TENM3: variants seen among roughly 807,000 people sequenced by gnomAD.
The protein encoded by TENM3 is teneurin-3.
Under a neutral mutation model 255.1 loss-of-function variants are expected in TENM3, and 63 were observed. That is an observed-to-expected ratio of 0.25 (90% CI 0.20 to 0.30). TENM3 has a LOEUF of 0.30. Among genes scored for constraint, TENM3 ranks in the 10% least tolerant of loss-of-function variants. TENM3 has a pLI of 1.00. For missense variants in TENM3, 2,929 were observed against 3,461.1 expected, an observed-to-expected ratio of 0.85 and a Z score of 3.86; for synonymous variants, 1,306 against 1,322.3, an observed-to-expected ratio of 0.99 and a Z score of 0.27.
chr4:181,480,203 G>C, the TENM3 span, among the ~76,000 whole-genome samples: 4 of 151,638 alleles, frequency 2.6e-5, no homozygotes, highest in South Asian at 4.2e-4. Flanking sequence ...TCTCTTTTCT[G>C]CTTACCATCT....
chr4:182,065,769 GACA>G, the TENM3 span, among the ~76,000 whole-genome samples: 76 of 152,272 alleles, frequency 5.0e-4, 1 homozygote, highest in African/African-American at 1.8e-3. Context: ...ACGAAATACT[GACA>G]ACAAGATTCT....
chr4:181,738,601 C>G, the TENM3 span, among the ~76,000 whole-genome samples: 152 of 152,108 alleles, frequency 1.0e-3, 2 homozygotes, highest in African/African-American at 3.4e-3. Flanking sequence ...TTTGATTGTT[C>G]GTAGCATTTC....
At chr4:181,905,188 A>AT in the TENM3 span, among the ~76,000 whole-genome samples, 1 of 152,040 alleles carries the variant, frequency 6.6e-6, no homozygotes, top group Non-Finnish European at 1.5e-5. Context: ...GTCTTGCCTT[A>AT]TTTTTTACAG....
chr4:182,103,443 C>G, the TENM3 span, among the ~76,000 whole-genome samples: 5 of 152,236 alleles, frequency 3.3e-5, no homozygotes, highest in Admixed American at 2.6e-4. Context: ...TGAACTCAAT[C>G]AATGGCCTCT....
chr4:182,075,852 A>G, the TENM3 span, among the ~76,000 whole-genome samples: 11 of 152,106 alleles, frequency 7.2e-5, no homozygotes, highest in Non-Finnish European at 1.5e-4. Flanking sequence ...AATTTTATGC[A>G]TTTTCCCCTC....
intron 4 of TENM3, among the ~76,000 whole-genome samples, chr4:182,621,828 GC>G (rs1750305663): frequency 3.6e-5 from 4 of 111,542 alleles, no homozygotes; most frequent in African/African-American, 1.5e-4. Context: ...ATATATATTA[GC>G]CAGATGTGGT....
chr4:181,970,465 C>T, the TENM3 span, among the ~76,000 whole-genome samples: 1 of 152,128 alleles, frequency 6.6e-6, no homozygotes, highest in Non-Finnish European at 1.5e-5. Context: ...TTTTGTCTAT[C>T]GTCTTGAAAC....
rs191989844 is a variant in TENM3, at chr4:182,398,983, A to G, written c.511+52054A>G. ...TCCAGCAAGTGTCTGTTGATTGCCT[A>G]CTTATGTTTACACTATGCACAGTCC... On this transcript the variant is annotated intron_variant, in intron 3 of 27. Coordinates refer to ENST00000511685, the MANE Select transcript of TENM3 (RefSeq NM_001080477.4). 6.4e-4 allele frequency among the ~76,000 whole-genome samples: 97 copies of G among 152,306 alleles called. 2 individuals are homozygous for G. The East Asian group carries it at 0.012, about 18-fold the overall frequency.
the TENM3 span, among the ~76,000 whole-genome samples, chr4:181,884,761 A>G: frequency 6.6e-6 from 1 of 152,164 alleles, no homozygotes; most frequent in Admixed American, 6.6e-5. Context: ...AAAATTATCT[A>G]AAATAACATC....
the TENM3 span, among the ~76,000 whole-genome samples, chr4:181,720,625 T>C: frequency 2.6e-5 from 4 of 151,644 alleles, no homozygotes; most frequent in Admixed American, 2.6e-4. Context: ...CTTTGACTGA[T>C]TTTTTTTTAA....
the TENM3 span, among the ~76,000 whole-genome samples, chr4:181,681,175 A>T: frequency 2.0e-5 from 3 of 152,174 alleles, no homozygotes; most frequent in South Asian, 6.2e-4. Flanking sequence ...GGCAGAAGAG[A>T]GTAAAGGAGC....
At chr4:182,064,185 T>TA in the TENM3 span, among the ~76,000 whole-genome samples, 17,597 of 141,254 alleles carry the variant, frequency 0.12, 1,159 homozygotes, top group African/African-American at 0.19. Context: ...TATTACCGAT[T>TA]AAAAAAAAAA....
intron 3 of TENM3, among the ~76,000 whole-genome samples, chr4:182,514,509 T>C (rs1737740131): frequency 6.6e-6 from 1 of 152,204 alleles, no homozygotes; most frequent in South Asian, 2.1e-4. Context: ...ACAGTGGTTT[T>C]GAAACTTTTA....
At chr4:181,661,055 A>G in the TENM3 span, among the ~76,000 whole-genome samples, 4 of 152,312 alleles carry the variant, frequency 2.6e-5, no homozygotes, top group African/African-American at 9.6e-5. Context: ...CCCAAACGTA[A>G]GTATGTAAAT....
At chr4:181,552,503 G>A in the TENM3 span, among the ~76,000 whole-genome samples, 5 of 152,112 alleles carry the variant, frequency 3.3e-5, no homozygotes, top group Non-Finnish European at 7.4e-5. Context: ...AGTTCCTCTC[G>A]TAAGAGCTTC....
At chr4:182,475,372 A>T (rs903867806) in intron 3 of TENM3, among the ~76,000 whole-genome samples, 12 of 151,406 alleles carry the variant, frequency 7.9e-5, no homozygotes, top group Non-Finnish European at 1.2e-4. Flanking sequence ...GGGTGTGTCT[A>T]CTATTGGTGT....
chr4:182,305,399 G>T (rs186957865), intron 1 of TENM3, among the ~76,000 whole-genome samples: 71 of 152,240 alleles, frequency 4.7e-4, no homozygotes, highest in African/African-American at 1.7e-3. Flanking sequence ...CTTCCAACAT[G>T]CCACCAAAAT....
At chr4:182,292,455 A>G (rs1448483210) in intron 1 of TENM3, among the ~76,000 whole-genome samples, 2 of 152,026 alleles carry the variant, frequency 1.3e-5, no homozygotes, top group African/African-American at 2.4e-5. Context: ...TCCCTAAAAT[A>G]TTTCTTGTTC....
chr4:182,345,193 C>T (rs1476836802), intron 2 of TENM3, among the ~76,000 whole-genome samples: 1 of 152,140 alleles, frequency 6.6e-6, no homozygotes, highest in Non-Finnish European at 1.5e-5. Context: ...GATATGACCA[C>T]AGCAATAAAG....
Sources: allele counts gnomAD v4.1 joint callset (sites outside exome capture counted in the v4.1 genomes callset), GRCh38; gene constraint gnomAD v4.1.1; transcripts MANE v1.5; gene names NCBI Gene and HGNC (gene_info 2026-07-23, HGNC 2026-07-21).